The following ASTN1 variants were observed in gnomAD, a reference collection of about 807,000 sequenced individuals.
The protein encoded by ASTN1 is astrotactin 1, also known as astrotactin-1.
ASTN1 carries 41 observed loss-of-function variants against 140.7 expected under a neutral mutation model. The ratio of observed to expected loss-of-function variants is 0.29; its 90% CI spans 0.23 to 0.38. ASTN1 has a LOEUF of 0.38. Among genes scored for constraint, ASTN1 ranks in the 10% least tolerant of loss-of-function variants. ASTN1 has a pLI of 1.00. For missense variants in ASTN1, 1,479 were observed against 1,678.8 expected, an observed-to-expected ratio of 0.88 and a Z score of 2.08; for synonymous variants, 640 against 652.2, an observed-to-expected ratio of 0.98 and a Z score of 0.29.
At chr1:177,028,476 T>C (rs1002021377) in intron 5 of ASTN1, among the ~76,000 whole-genome samples, 5 of 152,232 alleles carry the variant, frequency 3.3e-5, no homozygotes, top group Non-Finnish European at 7.3e-5. Context: ...TCAAAAGGGC[T>C]TCTTCAAATC....
chr1:177,026,055 G>A (rs1676096439), intron 5 of ASTN1, among the ~76,000 whole-genome samples: 1 of 152,136 alleles, frequency 6.6e-6, no homozygotes, highest in Non-Finnish European at 1.5e-5. Context: ...GGTGCCTTTG[G>A]AACTGATGTC....
intron 10 of ASTN1, 50 bp downstream of exon 10, chr1:176,958,295 A>G: frequency 1.2e-6 from 2 of 1,610,544 alleles, no homozygotes; most frequent in Non-Finnish European, 1.7e-6. Flanking sequence ...GTAGTTTCTC[A>G]TTCTGCTTCC....
At chr1:176,981,524 C>G (rs1361495444) in intron 8 of ASTN1, 1 of 152,240 alleles carries the variant, frequency 6.6e-6, no homozygotes, top group African/African-American at 2.4e-5. Context: ...AGGATGGCCA[C>G]GTGAGACACA....
intron 17 of ASTN1, among the ~76,000 whole-genome samples, chr1:176,891,517 G>C (rs992782465): frequency 6.6e-6 from 1 of 152,168 alleles, no homozygotes; most frequent in Non-Finnish European, 1.5e-5. Flanking sequence ...ATACAAGCCG[G>C]GCACGGTGGC....
chr1:176,942,866 A>ATAT (rs1385017638), intron 14 of ASTN1, among the ~76,000 whole-genome samples: 41 of 69,890 alleles, frequency 5.9e-4, no homozygotes, highest in East Asian at 7.0e-4. Context: ...ATATATATAT[A>ATAT]GATTGATGTC....
At chr1:176,996,902 GAC>G (rs1236162066) in intron 8 of ASTN1, among the ~76,000 whole-genome samples, 2 of 152,206 alleles carry the variant, frequency 1.3e-5, no homozygotes, top group African/African-American at 4.8e-5. Flanking sequence ...GAGGAAGGGA[GAC>G]ACAAAGCTTT....
intron 17 of ASTN1, among the ~76,000 whole-genome samples, chr1:176,888,427 G>A (rs1669131136): frequency 6.6e-6 from 1 of 152,144 alleles, no homozygotes; most frequent in African/African-American, 2.4e-5. Flanking sequence ...TACCGTAACA[G>A]TTCCTCCTTG....
intron 1 of ASTN1, among the ~76,000 whole-genome samples, chr1:177,151,925 T>C (rs1683055615): frequency 6.6e-6 from 1 of 152,108 alleles, no homozygotes; most frequent in Non-Finnish European, 1.5e-5. Flanking sequence ...AACTTTTCAA[T>C]AAAGCAGCCA....
At chr1:176,904,953 G>T (rs937357053) in intron 16 of ASTN1, among the ~76,000 whole-genome samples, 1 of 152,194 alleles carries the variant, frequency 6.6e-6, no homozygotes, top group African/African-American at 2.4e-5. Flanking sequence ...AATAGGGAGT[G>T]CACATGAGTC....
intron 16 of ASTN1, among the ~76,000 whole-genome samples, chr1:176,922,179 A>G (rs1281017066): frequency 6.6e-6 from 1 of 152,194 alleles, no homozygotes; most frequent in Non-Finnish European, 1.5e-5. Context: ...AAAACACAAA[A>G]CTACTAATGT....
At chr1:176,923,165 A>G in intron 16 of ASTN1, among the ~76,000 whole-genome samples, 1 of 152,208 alleles carries the variant, frequency 6.6e-6, no homozygotes, top group South Asian at 2.1e-4. Context: ...CTTCCATTGC[A>G]ATATCAACCA....
At chr1:176,858,065 C>G (rs1403561924), downstream of ASTN1, among the ~76,000 whole-genome samples, 1 of 152,060 alleles carries the variant, frequency 6.6e-6, no homozygotes, top group African/African-American at 2.4e-5. Context: ...AGTAAGGAAT[C>G]CATTACACTA....
intron 16 of ASTN1, among the ~76,000 whole-genome samples, chr1:176,895,782 T>C (rs1468547156): frequency 6.6e-6 from 1 of 152,206 alleles, no homozygotes; most frequent in African/African-American, 2.4e-5. Context: ...GATTCTCCAT[T>C]TAACTTATTA....
chr1:176,994,283 C>T (rs906617430), intron 8 of ASTN1, among the ~76,000 whole-genome samples: 1 of 152,104 alleles, frequency 6.6e-6, no homozygotes, highest in East Asian at 1.9e-4. Flanking sequence ...CTATGGTCAG[C>T]TTCCTAATGC....
At chr1:177,123,758 C>G (rs1022750567) in intron 1 of ASTN1, among the ~76,000 whole-genome samples, 1 of 152,170 alleles carries the variant, frequency 6.6e-6, no homozygotes, top group African/African-American at 2.4e-5. Flanking sequence ...CACCCTGGCT[C>G]TATGAGCTGA....
At chr1:176,874,775 C>T (rs68139797) in intron 21 of ASTN1, among the ~76,000 whole-genome samples, 26,461 of 151,958 alleles carry the variant, frequency 0.17, 3,179 homozygotes, top group African/African-American at 0.34. Context: ...TTCACTAGAA[C>T]TTCATTAGCT....
intron 16 of ASTN1, among the ~76,000 whole-genome samples, chr1:176,932,673 G>C (rs556491022): frequency 6.6e-6 from 1 of 152,336 alleles, no homozygotes; most frequent in East Asian, 1.9e-4. Flanking sequence ...GGCAAGAAAG[G>C]CTTGCAATCA....
In ASTN1 at chr1:176,957,694, T is replaced by C. The variant is rs1672470036; in HGVS notation, c.1871A>G (p.Asp624Gly). 1 of 1,613,662 alleles carries C rather than the reference T, an allele frequency of 6.2e-7. No homozygotes were observed. The highest frequency in any genetic ancestry group is 1.7e-5 in the Admixed American group (1 of 59,970). Residue 624 changes from aspartate to glycine, a missense_variant, in exon 11 of 23, where the codon GAC (aspartate) becomes GGC (glycine). By Grantham distance (94) the Asp-to-Gly change is moderately conservative (BLOSUM62 -1). This residue lies in a region of ASTN1 where 729 missense variants were observed against 860.4 expected (regional missense o/e 0.85). Transcript: ENST00000361833. ...CAGACCTACCACGCAACCAGTGGAG[T>C]CCAGCTTGCGATCTGAAATACAGCG... ...NFRCISDRKL[D>G]STGCVCPSGL... is the part of the protein sequence containing the mutation.
rs1026246886 is a variant in ASTN1 at position 177,111,528 on chromosome 1, T to C, written c.284-50263A>G. Among the ~76,000 whole-genome samples, 9 of 152,278 alleles carry C rather than the reference T, an allele frequency of 5.9e-5. No individual in the cohort carries two copies. The South Asian group carries it at 1.5e-3, about 25-fold the overall frequency. ...TAAGAGTAGAAATCACTTATTTACTTACAAACGAAGCCCTTCCAGGGTATG... is the reference window on the plus strand; with the variant it reads ...TAAGAGTAGAAATCACTTATTTACTCACAAACGAAGCCCTTCCAGGGTATG... On this transcript the variant is annotated intron_variant, in intron 1 of 22. Coordinates refer to ENST00000361833, the MANE Select transcript of ASTN1 (RefSeq NM_004319.3).
Sources: gnomAD v4.1 joint callset for allele counts (sites outside exome capture counted in the v4.1 genomes callset) on GRCh38, gnomAD v4.1.1 for gene constraint, gnomAD v4.1.1 regional missense constraint, MANE v1.5 for transcripts, NCBI Gene and HGNC (gene_info 2026-07-23, HGNC 2026-07-21) for gene names.